The following GPC6 variants were observed in gnomAD, a reference collection of about 807,000 sequenced individuals.
GPC6 encodes glypican-6.
A neutral mutation model predicts 55.2 loss-of-function variants in GPC6; 14 were observed. That is an observed-to-expected ratio of 0.25 (90% CI 0.17 to 0.40). The LOEUF (loss-of-function observed/expected upper bound fraction) is 0.40. GPC6 is among the 10% of genes least tolerant of loss of function. The pLI, the probability that GPC6 is intolerant of heterozygous loss-of-function variation, is 1.00. For missense variants in GPC6, 641 were observed against 708.5 expected (o/e 0.90, Z 1.08); for synonymous variants, 278 against 259.6 (o/e 1.07, Z -0.68).
intron 1 of GPC6, among the ~76,000 whole-genome samples, chr13:93,258,791 T>A (rs1877038610): frequency 6.6e-6 from 1 of 150,750 alleles, no homozygotes; most frequent in South Asian, 2.1e-4. Flanking sequence ...AAATAAAAAA[T>A]AAAAAAAAAT....
At chr13:93,887,991 TAA>T (rs1487738278) in intron 3 of GPC6, among the ~76,000 whole-genome samples, 1 of 152,104 alleles carries the variant, frequency 6.6e-6, no homozygotes, top group Non-Finnish European at 1.5e-5. Context: ...CTCCATAGCA[TAA>T]GTCACATGAC....
chr13:93,488,566 A>T (rs1879824542), intron 1 of GPC6, among the ~76,000 whole-genome samples: 1 of 152,132 alleles, frequency 6.6e-6, no homozygotes, highest in Non-Finnish European at 1.5e-5. Context: ...CAATGGTTGA[A>T]CTAGTTTACA....
rs1476102757 is a variant in GPC6, at chr13:93,625,680, C to A, written c.319+80259C>A. Among the ~76,000 whole-genome samples, 2 of 152,192 alleles carry A rather than the reference C, an allele frequency of 1.3e-5. 1 individual carries two copies. Among genetic ancestry groups the A allele is most frequent in the South Asian group, 4.1e-4 (2 of 4,836 alleles). On this transcript the variant is annotated intron_variant, in intron 2 of 8. Transcript: ENST00000377047. ...AAAATCCCTCCTTCTACCTCTTTTC[C>A]CAAGGCCCCAGGCCAAAATGCTTGG...
At chr13:93,819,755 G>A (rs538398205) in intron 2 of GPC6, among the ~76,000 whole-genome samples, 1 of 152,320 alleles carries the variant, frequency 6.6e-6, no homozygotes, top group East Asian at 1.9e-4. Context: ...CTTAATTCAT[G>A]ATTCTGGGAA....
chr13:93,498,544 C>G (rs1880395989), intron 1 of GPC6, among the ~76,000 whole-genome samples: 1 of 152,180 alleles, frequency 6.6e-6, no homozygotes. Context: ...GTGCTACTCT[C>G]ATGATAGTGA....
At chr13:93,843,134 A>G (rs954838027) in intron 3 of GPC6, among the ~76,000 whole-genome samples, 1 of 151,318 alleles carries the variant, frequency 6.6e-6, no homozygotes, top group Non-Finnish European at 1.5e-5. Flanking sequence ...TTACAACCTA[A>G]GAGATTTGTT....
intron 1 of GPC6, among the ~76,000 whole-genome samples, chr13:93,249,514 C>T (rs1302553895): frequency 6.6e-6 from 1 of 152,124 alleles, no homozygotes; most frequent in Admixed American, 6.5e-5. Flanking sequence ...AAGGTTTGGT[C>T]TGTTGAAAGA....
chr13:94,343,004 A>T (rs887559427), intron 6 of GPC6, among the ~76,000 whole-genome samples: 1 of 152,210 alleles, frequency 6.6e-6, no homozygotes, highest in Non-Finnish European at 1.5e-5. Context: ...TGGAAAACAT[A>T]TCTGAAAATC....
intron 6 of GPC6, among the ~76,000 whole-genome samples, chr13:94,331,305 C>G (rs1014814812): frequency 6.6e-6 from 1 of 152,148 alleles, no homozygotes; most frequent in Admixed American, 6.5e-5. Flanking sequence ...TTAGTCATCT[C>G]GATAGAGACC....
At chr13:93,748,759 T>G (rs1005147243) in intron 2 of GPC6, among the ~76,000 whole-genome samples, 1 of 152,126 alleles carries the variant, frequency 6.6e-6, no homozygotes. Context: ...AGTGAATATC[T>G]TTAGTGAATT....
intron 1 of GPC6, among the ~76,000 whole-genome samples, chr13:93,310,582 A>G (rs1879033300): frequency 6.6e-6 from 1 of 152,186 alleles, no homozygotes; most frequent in African/African-American, 2.4e-5. Context: ...CCCTTCAAAT[A>G]TCCTTCAAAC....
chr13:94,304,907 C>T (rs1034672217), intron 5 of GPC6, among the ~76,000 whole-genome samples: 1 of 152,210 alleles, frequency 6.6e-6, no homozygotes, highest in African/African-American at 2.4e-5. Context: ...TTCTATACCA[C>T]TGCTCAAGAG....
At chr13:93,688,817 A>G (rs1246880350) in intron 2 of GPC6, among the ~76,000 whole-genome samples, 2 of 152,082 alleles carry the variant, frequency 1.3e-5, no homozygotes, top group Non-Finnish European at 2.9e-5. Context: ...CAGTTTGGGA[A>G]GATGAATAAG....
chr13:93,503,620 C>T (rs576557953), intron 1 of GPC6, among the ~76,000 whole-genome samples: 17 of 152,140 alleles, frequency 1.1e-4, no homozygotes, highest in African/African-American at 3.4e-4. Flanking sequence ...CTGGATATTC[C>T]ATTTGTGTGT....
At chr13:94,068,095 C>A (rs1884598243) in intron 4 of GPC6, among the ~76,000 whole-genome samples, 1 of 152,130 alleles carries the variant, frequency 6.6e-6, no homozygotes, top group Admixed American at 6.5e-5. Context: ...CTAATAAAGA[C>A]ATACTCGAGA....
intron 4 of GPC6, among the ~76,000 whole-genome samples, chr13:94,039,261 G>T (rs114515639): frequency 0.027 from 4,136 of 151,994 alleles, 189 homozygotes; most frequent in African/African-American, 0.094. Context: ...AAGGCACAGG[G>T]TTTTTTTATC....
chr13:93,884,943 A>G lies in GPC6; in HGVS notation c.711+54398A>G, dbSNP rs72644437. 8.9e-3 allele frequency among the ~76,000 whole-genome samples: 1,361 copies of G among 152,208 alleles called. 13 individuals are homozygous for G. The highest frequency in any genetic ancestry group is 0.037 in the Middle Eastern group (11 of 294). On this transcript the variant is annotated intron_variant, in intron 3 of 8. Coordinates refer to ENST00000377047, the MANE Select transcript of GPC6 (RefSeq NM_005708.5). Reference sequence around the variant, plus strand: ...GCTTTCCATACCTTATCACTCATGCATATATTCTATGATCTTACTTCACTT... The same window carrying G: ...GCTTTCCATACCTTATCACTCATGCGTATATTCTATGATCTTACTTCACTT...
At chr13:93,524,753 T>C (rs1469619885) in intron 1 of GPC6, among the ~76,000 whole-genome samples, 1 of 152,084 alleles carries the variant, frequency 6.6e-6, no homozygotes, top group Non-Finnish European at 1.5e-5. Flanking sequence ...TTCTGTGAAA[T>C]GTAGTTGGGC....
intron 6 of GPC6, among the ~76,000 whole-genome samples, chr13:94,379,745 C>G (rs1880072727): frequency 6.6e-6 from 1 of 152,158 alleles, no homozygotes; most frequent in African/African-American, 2.4e-5. Flanking sequence ...AACTCGTCAC[C>G]CTGGAATCCC....
Sources: allele counts gnomAD v4.1 joint callset (sites outside exome capture counted in the v4.1 genomes callset), GRCh38; gene constraint gnomAD v4.1.1; transcripts MANE v1.5; gene names NCBI Gene and HGNC (gene_info 2026-07-23, HGNC 2026-07-21).